BRINP3: variants seen among roughly 807,000 people sequenced by gnomAD.
BRINP3 encodes BMP/retinoic acid-inducible neural-specific protein 3.
BRINP3 carries 19 observed loss-of-function variants against 71.0 expected under a neutral mutation model. The ratio of observed to expected loss-of-function variants is 0.27; its 90% CI spans 0.19 to 0.39. The LOEUF (loss-of-function observed/expected upper bound fraction) is 0.39, where lower values mean the gene tolerates loss of function less well. BRINP3 is among the 10% of genes least tolerant of loss of function. The probability of loss-of-function intolerance (pLI) is 1.00; values close to 1 mark genes in which losing one functional copy is unlikely to be tolerated. For synonymous variants in BRINP3, 380 were observed against 337.7 expected (o/e 1.13, Z -1.37); for missense variants, 959 against 940.8 (o/e 1.02, Z -0.25).
chr1:190,209,223 A>G (rs368923626), intron 6 of BRINP3, among the ~76,000 whole-genome samples: 78 of 152,268 alleles, frequency 5.1e-4, no homozygotes, highest in African/African-American at 1.8e-3. Context: ...CAAAGTAACA[A>G]ACACAACCAA....
intron 2 of BRINP3, among the ~76,000 whole-genome samples, chr1:190,411,008 G>A (rs893980689): frequency 6.6e-6 from 1 of 151,970 alleles, no homozygotes; most frequent in Admixed American, 6.6e-5. Context: ...AAACCAAGAC[G>A]ACTCCTGATA....
chr1:190,359,397 G>A (rs1319538952), intron 2 of BRINP3, among the ~76,000 whole-genome samples: 1 of 152,050 alleles, frequency 6.6e-6, no homozygotes, highest in African/African-American at 2.4e-5. Flanking sequence ...TGGGGTACTA[G>A]TAAACCTAGA....
At chr1:190,111,847 GA>G (rs1652726561) in intron 7 of BRINP3, among the ~76,000 whole-genome samples, 1 of 152,152 alleles carries the variant, frequency 6.6e-6, no homozygotes, top group Non-Finnish European at 1.5e-5. Context: ...GAAAAATTAA[GA>G]ACCTTCTGTG....
rs984521373 is a variant in BRINP3, at chr1:190,388,301, C to T, written c.236+66354G>A. Among the ~76,000 whole-genome samples the T allele has an allele frequency of 2.0e-5, 3 of 151,840 alleles. No individual in the cohort carries two copies. The Admixed American group carries it at 2.0e-4, about 10-fold the overall frequency. The stretch of plus-strand genomic sequence containing the variant: ...TCTGTTAATCAATAATATTTTTGAG[C>T]TCCTACTGTGTTCCAGACACTACAA... On this transcript the variant is annotated intron_variant, in intron 2 of 7. Coordinates refer to ENST00000367462, the MANE Select transcript of BRINP3 (RefSeq NM_199051.3).
At chr1:190,370,043 A>C (rs1324244221) in intron 2 of BRINP3, among the ~76,000 whole-genome samples, 1 of 152,146 alleles carries the variant, frequency 6.6e-6, no homozygotes, top group East Asian at 1.9e-4. Flanking sequence ...TGAACCACAC[A>C]CTTTGACCAT....
At chr1:190,333,381 C>T (rs1373737380) in intron 2 of BRINP3, among the ~76,000 whole-genome samples, 1 of 151,770 alleles carries the variant, frequency 6.6e-6, no homozygotes, top group Non-Finnish European at 1.5e-5. Context: ...GGAACATATA[C>T]TGCAGTGAGT....
chr1:190,252,024 T>C (rs1209902504), intron 4 of BRINP3, among the ~76,000 whole-genome samples: 2 of 152,060 alleles, frequency 1.3e-5, no homozygotes, highest in Non-Finnish European at 2.9e-5. Context: ...CTACTAAAGA[T>C]TTGTCAGATA....
intron 1 of BRINP3, among the ~76,000 whole-genome samples, chr1:190,468,604 A>G (rs1165020093): frequency 1.3e-5 from 2 of 151,200 alleles, no homozygotes; most frequent in African/African-American, 4.8e-5. Flanking sequence ...CTATTCAAAC[A>G]TATTAGCGTT....
chr1:190,307,111 C>G (rs1259222341), intron 2 of BRINP3, among the ~76,000 whole-genome samples: 1 of 151,412 alleles, frequency 6.6e-6, no homozygotes, highest in East Asian at 1.9e-4. Context: ...GAAACAAAAT[C>G]CTAGTTGGGA....
At chr1:190,396,311 A>G (rs1384950485) in intron 2 of BRINP3, among the ~76,000 whole-genome samples, 1 of 151,892 alleles carries the variant, frequency 6.6e-6, no homozygotes, top group Non-Finnish European at 1.5e-5. Flanking sequence ...TAATGTTGTA[A>G]TAAGAAAGTT....
chr1:190,368,127 G>A (rs1371657366), intron 2 of BRINP3, among the ~76,000 whole-genome samples: 2 of 152,122 alleles, frequency 1.3e-5, no homozygotes, highest in Admixed American at 6.6e-5. Context: ...CTGAGACTGG[G>A]TGACTAATAA....
intron 2 of BRINP3, among the ~76,000 whole-genome samples, chr1:190,353,899 T>C (rs1668563669): frequency 6.6e-6 from 1 of 152,040 alleles, no homozygotes; most frequent in South Asian, 2.1e-4. Flanking sequence ...CTCTGTTTTA[T>C]CAGCTGATGC....
intron 2 of BRINP3, among the ~76,000 whole-genome samples, chr1:190,372,576 T>C (rs1669933258): frequency 6.6e-6 from 1 of 152,178 alleles, no homozygotes; most frequent in Non-Finnish European, 1.5e-5. Flanking sequence ...TGCAGGTCTG[T>C]GTTAATGTAC....
intron 2 of BRINP3, among the ~76,000 whole-genome samples, chr1:190,419,374 A>G (rs1673212930): frequency 2.6e-5 from 4 of 152,218 alleles, no homozygotes; most frequent in South Asian, 4.1e-4. Flanking sequence ...TAAAATGTAT[A>G]TGAATTTTAA....
chr1:190,338,505 T>C (rs1347101886), intron 2 of BRINP3, among the ~76,000 whole-genome samples: 3 of 152,052 alleles, frequency 2.0e-5, no homozygotes, highest in Non-Finnish European at 4.4e-5. Context: ...GCACTGCTAC[T>C]AGTTATGATA....
chr1:190,231,982 A>T (rs1658037455), intron 5 of BRINP3, among the ~76,000 whole-genome samples: 1 of 151,938 alleles, frequency 6.6e-6, no homozygotes, highest in Non-Finnish European at 1.5e-5. Context: ...CTTTATTAAA[A>T]AACTGTGATA....
intron 6 of BRINP3, among the ~76,000 whole-genome samples, chr1:190,180,137 C>T (rs542989091): frequency 1.3e-5 from 2 of 152,178 alleles, no homozygotes; most frequent in African/African-American, 4.8e-5. Context: ...AATTGTTCTG[C>T]ACACAAAAGG....
In BRINP3 at chr1:190,223,919, A is replaced by G. The variant is rs181960936; in HGVS notation, c.961+2163T>C. ...GGCTACAACTGTATAAAATACCTCA[A>G]AGCAATCAAACCAAATAATGGAAAG... On this transcript the variant is annotated intron_variant, in intron 6 of 7. Transcript: ENST00000367462. Among the ~76,000 whole-genome samples the G allele has an allele frequency of 2.5e-3, 374 of 151,992 alleles. 1 individual carries two copies. The highest frequency in any genetic ancestry group is 8.7e-3 in the African/African-American group (363 of 41,538).
chr1:190,416,836 T>C (rs1362052732), intron 2 of BRINP3, among the ~76,000 whole-genome samples: 1 of 152,072 alleles, frequency 6.6e-6, no homozygotes, highest in Non-Finnish European at 1.5e-5. Context: ...AGAACCGGAG[T>C]CTTTAGCTGC....
Sources: gnomAD v4.1 joint callset for allele counts (sites outside exome capture counted in the v4.1 genomes callset) on GRCh38, gnomAD v4.1.1 for gene constraint, MANE v1.5 for transcripts, NCBI Gene and HGNC (gene_info 2026-07-23, HGNC 2026-07-21) for gene names.